The following NDST3 variants were observed in gnomAD, a reference collection of about 807,000 sequenced individuals.
NDST3 encodes the protein N-deacetylase and N-sulfotransferase 3, also known as bifunctional heparan sulfate N-deacetylase/N-sulfotransferase 3.
A neutral mutation model predicts 96.1 loss-of-function variants in NDST3; 58 were observed. That is an observed-to-expected ratio of 0.60 (90% confidence interval 0.49 to 0.75). The LOEUF is 0.75. Among genes scored for constraint, NDST3 ranks in the 30% least tolerant of loss-of-function variants. The pLI is 0.00. For synonymous variants in NDST3, 333 were observed against 359.7 expected (o/e 0.93, Z 0.84); for missense variants, 788 against 1,034.2 (o/e 0.76, Z 3.27).
intron 2 of NDST3, among the ~76,000 whole-genome samples, chr4:118,084,143 C>T (rs1728230983): frequency 6.6e-6 from 1 of 151,760 alleles, no homozygotes; most frequent in Non-Finnish European, 1.5e-5. Context: ...TCTGATGTAC[C>T]ACATGAGAAC....
At position 118,201,026 on chromosome 4, in the gene NDST3, G is replaced by A. The variant is rs577214489; in HGVS notation, c.1540-23465G>A. 5.9e-5 allele frequency among the ~76,000 whole-genome samples: 9 copies of A among 152,290 alleles called. No homozygotes were observed. The South Asian group carries it at 1.5e-3, about 25-fold the overall frequency. On this transcript the variant is annotated intron_variant, in intron 6 of 13. Transcript: ENST00000296499. Reference sequence around the variant, plus strand: ...ATGCTTAGCTCCCAATTAGAAGGAAGAACATGCAGTTTTGAATTTTCTGTT... The same window carrying A: ...ATGCTTAGCTCCCAATTAGAAGGAAAAACATGCAGTTTTGAATTTTCTGTT...
At chr4:118,050,460 C>CA (rs1338275345) in intron 1 of NDST3, among the ~76,000 whole-genome samples, 1 of 152,050 alleles carries the variant, frequency 6.6e-6, no homozygotes, top group Non-Finnish European at 1.5e-5. Context: ...TGATTCTATA[C>CA]CTAGAAAATG....
chr4:118,041,114 G>T (rs192971628), intron 1 of NDST3, among the ~76,000 whole-genome samples: 1 of 151,842 alleles, frequency 6.6e-6, no homozygotes, highest in Non-Finnish European at 1.5e-5. Flanking sequence ...TTCTTAGAAG[G>T]AAACTGCAGC....
At chr4:118,119,334 T>C (rs1429274946) in intron 4 of NDST3, among the ~76,000 whole-genome samples, 1 of 152,238 alleles carries the variant, frequency 6.6e-6, no homozygotes, top group Non-Finnish European at 1.5e-5. Flanking sequence ...TTAAGGAATA[T>C]ATGACAATCT....
At chr4:118,119,752 C>A in intron 4 of NDST3, among the ~76,000 whole-genome samples, 1 of 152,150 alleles carries the variant, frequency 6.6e-6, no homozygotes, top group East Asian at 1.9e-4. Flanking sequence ...TGAAATGTGA[C>A]AATACTTTAC....
chr4:118,166,455 G>T (rs1179170598), intron 6 of NDST3, among the ~76,000 whole-genome samples: 2 of 151,734 alleles, frequency 1.3e-5, no homozygotes, highest in Non-Finnish European at 2.9e-5. Context: ...TGTCTTTACT[G>T]GTGACTTATA....
chr4:118,073,059 C>T (rs753296978), intron 2 of NDST3, among the ~76,000 whole-genome samples: 75 of 152,216 alleles, frequency 4.9e-4, no homozygotes, highest in Non-Finnish European at 9.6e-4. Flanking sequence ...ACCAACCTTA[C>T]ATCCCAGGGA....
At chr4:118,039,694 C>T (rs1724338550) in intron 1 of NDST3, among the ~76,000 whole-genome samples, 1 of 151,974 alleles carries the variant, frequency 6.6e-6, no homozygotes, top group South Asian at 2.1e-4. Flanking sequence ...ATACTTAGAA[C>T]CATAGGATTT....
Position 118,226,998 on chromosome 4 carries a change from G to A in NDST3, c.1819+16G>A. 1 of 1,548,450 alleles carries A rather than the reference G, an allele frequency of 6.5e-7. No individual in the cohort carries two copies. The highest frequency in any genetic ancestry group is 8.9e-7 in the Non-Finnish European group (1 of 1,124,782). On this transcript the variant is annotated intron_variant, in intron 8 of 13. Transcript: ENST00000296499. ...CAGAAAACTGGTGAGAACTTTTTAT[G>A]TTATGATTAACGAGTGTAAATTTTC...
chr4:118,205,090 G>A (rs1021929232), intron 6 of NDST3, among the ~76,000 whole-genome samples: 2 of 143,634 alleles, frequency 1.4e-5, no homozygotes, highest in Non-Finnish European at 3.1e-5. Flanking sequence ...TAATAATATT[G>A]TTAATGTTAT....
chr4:118,135,062 G>A (rs1452274890), intron 4 of NDST3, among the ~76,000 whole-genome samples: 1 of 152,214 alleles, frequency 6.6e-6, no homozygotes, highest in Non-Finnish European at 1.5e-5. Context: ...CACACTACCT[G>A]CAATCTTAAC....
intron 12 of NDST3, among the ~76,000 whole-genome samples, chr4:118,252,523 T>C (rs1168162485): frequency 1.3e-5 from 2 of 152,110 alleles, no homozygotes; most frequent in Non-Finnish European, 2.9e-5. Flanking sequence ...TGAGAAAGAG[T>C]TATATGAAAT....
intron 6 of NDST3, among the ~76,000 whole-genome samples, chr4:118,199,329 T>C (rs1371785381): frequency 1.3e-5 from 2 of 152,182 alleles, no homozygotes; most frequent in African/African-American, 4.8e-5. Context: ...CTTGATCAAC[T>C]CTGCTATTGA....
intron 2 of NDST3, among the ~76,000 whole-genome samples, chr4:118,066,112 T>G (rs1224154163): frequency 1.2e-4 from 3 of 24,076 alleles, no homozygotes; most frequent in Non-Finnish European, 3.9e-4. Flanking sequence ...TATAATATAT[T>G]TTATATATTA....
chr4:118,096,666 G>C lies in NDST3; in HGVS notation c.982-8352G>C, dbSNP rs796523896. ...TACTCCATTATGGCTAGAGTAGATA[G>C]ATAGATAGATAGATAGATAGATAGA... is the stretch of plus-strand genomic sequence containing the variant. On this transcript the variant is annotated intron_variant, in intron 2 of 13. Transcript: ENST00000296499. Among the ~76,000 whole-genome samples the C allele has an allele frequency of 7.2e-5, 10 of 139,134 alleles. 1 individual carries two copies. The highest frequency in any genetic ancestry group is 1.3e-4 in the Non-Finnish European group (8 of 63,674). 91.3% of individuals were successfully genotyped at this position (139,134 alleles called of 152,430 possible).
chr4:118,110,165 G>A (rs1280726192), intron 3 of NDST3, among the ~76,000 whole-genome samples: 3 of 152,110 alleles, frequency 2.0e-5, no homozygotes, highest in East Asian at 3.9e-4. Context: ...TTATAGATTT[G>A]TTAGCTTTTT....
chr4:118,189,895 A>G (rs1737193722), intron 6 of NDST3, among the ~76,000 whole-genome samples: 1 of 152,148 alleles, frequency 6.6e-6, no homozygotes, highest in African/African-American at 2.4e-5. Flanking sequence ...GAAATTTGTC[A>G]TCTTTCGACC....
intron 10 of NDST3, among the ~76,000 whole-genome samples, chr4:118,238,695 A>G (rs1403888995): frequency 6.6e-6 from 1 of 152,208 alleles, no homozygotes; most frequent in East Asian, 1.9e-4. Context: ...TTGAAGCTAT[A>G]CTTGAAATTG....
chr4:118,110,514 T>C (rs1007969425), intron 3 of NDST3, among the ~76,000 whole-genome samples: 1 of 152,188 alleles, frequency 6.6e-6, no homozygotes, highest in East Asian at 1.9e-4. Flanking sequence ...AGTGAAATGA[T>C]GTTTGTAAAG....
Sources: allele counts gnomAD v4.1 joint callset (sites outside exome capture counted in the v4.1 genomes callset), GRCh38; gene constraint gnomAD v4.1.1; transcripts MANE v1.5; gene names NCBI Gene and HGNC (gene_info 2026-07-23, HGNC 2026-07-21).